Variants in TMEM108 observed in about 807,000 individuals in gnomAD.
TMEM108 encodes the protein cancer/testis antigen 124.
TMEM108 carries 12 observed loss-of-function variants against 35.1 expected under a neutral mutation model. The observed-to-expected ratio is 0.34, with a 90% CI of 0.22 to 0.55. The LOEUF is 0.55. Among genes scored for constraint, TMEM108 ranks in the 20% least tolerant of loss-of-function variants. TMEM108 has a pLI of 0.89. For synonymous variants in TMEM108, 287 were observed against 308.6 expected (o/e 0.93, Z 0.73); for missense variants, 680 against 753.3 (o/e 0.90, Z 1.14).
chr3:133,101,121 A>G (rs1944082139), intron 2 of TMEM108, among the ~76,000 whole-genome samples: 1 of 152,212 alleles, frequency 6.6e-6, no homozygotes, highest in African/African-American at 2.4e-5. Context: ...GGAGCAATGA[A>G]AAGAGCCTTG....
chr3:133,324,191 A>G (rs1329477727), intron 3 of TMEM108, among the ~76,000 whole-genome samples: 2 of 152,196 alleles, frequency 1.3e-5, no homozygotes, highest in Non-Finnish European at 2.9e-5. Flanking sequence ...TTAAACTAAA[A>G]ACCTTCTGTA....
At chr3:133,057,094 C>T (rs906002976) in intron 2 of TMEM108, among the ~76,000 whole-genome samples, 5 of 152,140 alleles carry the variant, frequency 3.3e-5, no homozygotes, top group Non-Finnish European at 5.9e-5. Context: ...TGCCAGTGTT[C>T]TCAGACAATG....
chr3:133,192,910 G>C (rs1945521105), intron 2 of TMEM108: 1 of 148,892 alleles, frequency 6.7e-6, no homozygotes, highest in Non-Finnish European at 1.5e-5. Context: ...AGTTTACACT[G>C]TGTGTGTGTG....
At chr3:133,072,296 T>C (rs939405823) in intron 2 of TMEM108, among the ~76,000 whole-genome samples, 1 of 152,140 alleles carries the variant, frequency 6.6e-6, no homozygotes, top group Non-Finnish European at 1.5e-5. Flanking sequence ...AATTAAGAAG[T>C]ACTTATTATA....
intron 2 of TMEM108, among the ~76,000 whole-genome samples, chr3:133,158,519 C>T (rs1030139661): frequency 3.4e-5 from 5 of 149,024 alleles, no homozygotes; most frequent in South Asian, 4.3e-4. Flanking sequence ...TGACGTAGGT[C>T]GACTTAAGGA....
In TMEM108 at chr3:133,229,398, T is replaced by C. The variant is rs377038500; in HGVS notation, c.40+47T>C. ...TCTTTCCTAAAATATACTAATGTTA[T>C]TATTTGCTGGGTACCCACAACTTAC... is the stretch of plus-strand genomic sequence containing the variant. On this transcript the variant is annotated intron_variant, in intron 3 of 5. Transcript: ENST00000321871. 11 of 1,589,048 alleles carry C rather than the reference T, an allele frequency of 6.9e-6. No homozygotes were observed. The African/African-American group carries it at 1.1e-4, about 16-fold the overall frequency.
intron 3 of TMEM108, among the ~76,000 whole-genome samples, chr3:133,264,122 G>A (rs183473790): frequency 6.5e-4 from 99 of 152,170 alleles, no homozygotes; most frequent in East Asian, 4.6e-3. Context: ...TCTGAGAAAC[G>A]TAGTAAGAAC....
intron 3 of TMEM108, among the ~76,000 whole-genome samples, chr3:133,272,344 G>T (rs969930912): frequency 6.7e-6 from 1 of 150,114 alleles, no homozygotes; most frequent in Non-Finnish European, 1.5e-5. Flanking sequence ...TAATATCTGA[G>T]AATAGACTTC....
intron 3 of TMEM108, among the ~76,000 whole-genome samples, chr3:133,372,720 T>C (rs2072711356): frequency 6.6e-6 from 1 of 152,202 alleles, no homozygotes. Flanking sequence ...TACCAAACAA[T>C]GGTCCCAGTT....
intron 2 of TMEM108, among the ~76,000 whole-genome samples, chr3:133,170,533 A>C (rs1209997674): frequency 6.6e-6 from 1 of 152,242 alleles, no homozygotes; most frequent in East Asian, 1.9e-4. Flanking sequence ...TACTTAGTTT[A>C]AAATGTAGCC....
chr3:133,370,244 T>G (rs1243390489), intron 3 of TMEM108, among the ~76,000 whole-genome samples: 3 of 151,564 alleles, frequency 2.0e-5, no homozygotes, highest in Non-Finnish European at 4.4e-5. Flanking sequence ...ACACTCCCCT[T>G]GGCTGTGACA....
At chr3:133,331,964 C>T (rs966908773) in intron 3 of TMEM108, among the ~76,000 whole-genome samples, 1 of 152,180 alleles carries the variant, frequency 6.6e-6, no homozygotes, top group Non-Finnish European at 1.5e-5. Flanking sequence ...ACCATAGTCA[C>T]ACTTAGGGGA....
chr3:133,062,408 G>T (rs924715239), intron 2 of TMEM108, among the ~76,000 whole-genome samples: 2 of 152,166 alleles, frequency 1.3e-5, no homozygotes, highest in Non-Finnish European at 2.9e-5. Flanking sequence ...GAGCCAGTAG[G>T]ATATGAGCCT....
Position 133,229,376 on chromosome 3 carries a change from T to C in TMEM108, c.40+25T>C, listed in dbSNP as rs373844862. The C allele has an allele frequency of 3.0e-5, 48 of 1,609,882 alleles. 1 individual carries two copies. In the African/African-American group the frequency reaches 5.6e-4, roughly 19 times the overall value. On this transcript the variant is annotated intron_variant, in intron 3 of 5. Coordinates refer to ENST00000321871, the MANE Select transcript of TMEM108 (RefSeq NM_023943.4). Reference sequence around the variant, plus strand: ...AGTAAGTTGACACTGTATTTCTTCTTTCCTAAAATATACTAATGTTATTAT... The same window carrying C: ...AGTAAGTTGACACTGTATTTCTTCTCTCCTAAAATATACTAATGTTATTAT...
chr3:133,254,042 T>C (rs922400170), intron 3 of TMEM108, among the ~76,000 whole-genome samples: 8 of 152,122 alleles, frequency 5.3e-5, no homozygotes, highest in Admixed American at 3.3e-4. Context: ...TAAAAGAACA[T>C]TAAAAAGTAT....
intron 2 of TMEM108, among the ~76,000 whole-genome samples, chr3:133,066,479 G>A (rs1424679992): frequency 6.6e-6 from 1 of 152,128 alleles, no homozygotes; most frequent in African/African-American, 2.4e-5. Flanking sequence ...GAAAAGGTCT[G>A]AGAAAATTGC....
intron 3 of TMEM108, among the ~76,000 whole-genome samples, chr3:133,309,759 G>A (rs1224081791): frequency 2.8e-5 from 4 of 141,898 alleles, no homozygotes; most frequent in African/African-American, 1.1e-4. Context: ...GGAGTGCAGT[G>A]GCGGGATCTC....
intron 3 of TMEM108, among the ~76,000 whole-genome samples, chr3:133,321,015 A>G (rs772273938): frequency 6.6e-6 from 1 of 152,200 alleles, no homozygotes; most frequent in Non-Finnish European, 1.5e-5. Flanking sequence ...GAAATTCTAA[A>G]AAGAGATCTA....
chr3:133,393,199 C>A (rs1417060292), intron 5 of TMEM108, among the ~76,000 whole-genome samples: 2 of 152,220 alleles, frequency 1.3e-5, no homozygotes, highest in African/African-American at 4.8e-5. Flanking sequence ...TCAATTCCTT[C>A]AGGTCTCTGT....
Sources: allele counts gnomAD v4.1 joint callset (sites outside exome capture counted in the v4.1 genomes callset), GRCh38; gene constraint gnomAD v4.1.1; transcripts MANE v1.5; gene names NCBI Gene and HGNC (gene_info 2026-07-23, HGNC 2026-07-21).